Variants in PKP2 observed in about 807,000 individuals in gnomAD.
The protein encoded by PKP2 is plakophilin 2.
In PKP2, 73 loss-of-function variants were observed where a neutral mutation model predicts 83.4. The observed-to-expected ratio is 0.88, with a 90% CI of 0.72 to 1.06. The LOEUF (loss-of-function observed/expected upper bound fraction) is 1.06, where lower values mean the gene tolerates loss of function less well. Among genes scored for constraint, PKP2 ranks in the 50% least tolerant of loss-of-function variants. The probability of loss-of-function intolerance (pLI) is 0.00; values close to 1 mark genes in which losing one functional copy is unlikely to be tolerated. For missense variants in PKP2, 966 were observed against 1,065.4 expected (o/e 0.91, Z 1.30); for synonymous variants, 409 against 430.4 (o/e 0.95, Z 0.62).
At chr12:32,895,304 C>G (rs1957112764) in intron 1 of PKP2, among the ~76,000 whole-genome samples, 1 of 152,150 alleles carries the variant, frequency 6.6e-6, no homozygotes, top group Non-Finnish European at 1.5e-5. Flanking sequence ...CTTTACCTTT[C>G]AAGTATGTTA....
chr12:32,808,521 T>C (rs762967731), intron 9 of PKP2, among the ~76,000 whole-genome samples: 1 of 152,224 alleles, frequency 6.6e-6, no homozygotes, highest in Non-Finnish European at 1.5e-5. Context: ...TGAAGCCTAC[T>C]TCTGTCAACT....
intron 4 of PKP2, among the ~76,000 whole-genome samples, chr12:32,859,749 C>A (rs1352299666): frequency 6.6e-6 from 1 of 152,132 alleles, no homozygotes; most frequent in Non-Finnish European, 1.5e-5. Flanking sequence ...AGCCACTATA[C>A]CTGGCCCTCA....
chr12:32,834,480 A>T (rs1956527760), intron 6 of PKP2, among the ~76,000 whole-genome samples: 1 of 152,114 alleles, frequency 6.6e-6, no homozygotes, highest in Non-Finnish European at 1.5e-5. Context: ...CCACTAACAG[A>T]AGCTCCCTAG....
In PKP2 at chr12:32,868,970, A is replaced by G. The variant is rs56869013; in HGVS notation, c.1127T>C (p.Phe376Ser). The G allele has an allele frequency of 7.4e-6, 12 of 1,613,918 alleles. No individual in the cohort carries two copies. The South Asian group carries it at 7.7e-5, about 10-fold the overall frequency. ...LPSRISAAATFIQHECFQKSE... is the reference protein window; with the variant it reads ...LPSRISAAATSIQHECFQKSE... ...TTTCTGGAAGCACTCGTGCTGTATG[A>G]AAGTAGCTGCAGCAGAAATCCTGGA... The change falls in exon 4 of 13, where the codon TTC becomes TCC. Residue 376 changes from phenylalanine to serine, a missense_variant. Transcript: ENST00000340811.
intron 9 of PKP2, among the ~76,000 whole-genome samples, chr12:32,807,174 ATATTCTGTTG>A (rs1956233308): frequency 6.6e-6 from 1 of 152,148 alleles, no homozygotes; most frequent in South Asian, 2.1e-4. Flanking sequence ...AGAAGAATGA[ATATTCTGTTG>A]TTTTTTGGTG....
intron 6 of PKP2, among the ~76,000 whole-genome samples, chr12:32,833,214 G>C (rs1352896424): frequency 1.3e-5 from 2 of 152,210 alleles, no homozygotes; most frequent in African/African-American, 4.8e-5. Flanking sequence ...CTGCACTCCA[G>C]CCAGGGTGAC....
At chr12:32,890,680 C>A (rs193209483) in intron 1 of PKP2, among the ~76,000 whole-genome samples, 1 of 152,106 alleles carries the variant, frequency 6.6e-6, no homozygotes, top group Admixed American at 6.5e-5. Flanking sequence ...ATACACAGGC[C>A]GGGTGCGGTG....
chr12:32,883,912 G>A (rs1006955716), intron 1 of PKP2, among the ~76,000 whole-genome samples: 22 of 152,160 alleles, frequency 1.4e-4, no homozygotes, highest in African/African-American at 5.1e-4. Context: ...AGCAGCAGGC[G>A]CAGGAAGTGT....
intron 4 of PKP2, among the ~76,000 whole-genome samples, chr12:32,856,767 A>G (rs922061871): frequency 1.3e-5 from 2 of 151,814 alleles, no homozygotes; most frequent in Admixed American, 1.3e-4. Context: ...AAAAAAAAAA[A>G]GAAGATTCAA....
At chr12:32,878,598 C>T in intron 2 of PKP2, 55 bp from the exon 3 acceptor site, 1 of 1,388,976 alleles carries the variant, frequency 7.2e-7, no homozygotes, top group Non-Finnish European at 1.0e-6. Flanking sequence ...TTCAACTTTG[C>T]TGAGGACTAA....
At chr12:32,878,568 A>G (rs1956957539) in intron 2 of PKP2, 25 bp from the exon 3 acceptor site, 1 of 1,576,298 alleles carries the variant, frequency 6.3e-7, no homozygotes, top group Non-Finnish European at 8.7e-7. Context: ...AATAAAGTTT[A>G]AAGGGGGCAT....
At position 32,822,384 on chromosome 12, in the gene PKP2, T is replaced by A. The variant is rs1956388207; in HGVS notation, c.1839+83A>T. Reference sequence around the variant, plus strand: ...TAAAATAGTGCCGATATATACCAAGTACTTAGACATACACATATACACAAA... The same window carrying A: ...TAAAATAGTGCCGATATATACCAAGAACTTAGACATACACATATACACAAA... On this transcript the variant is annotated intron_variant, in intron 8 of 12. Transcript: ENST00000340811. 14 of 1,143,722 alleles carry A rather than the reference T, an allele frequency of 1.2e-5. No homozygotes were observed. In the Middle Eastern group the frequency reaches 7.6e-4, roughly 62 times the overall value. The allele number at this position is 1,143,722 out of a possible 1,614,324, so 70.8% of individuals were successfully genotyped here.
intron 11 of PKP2, among the ~76,000 whole-genome samples, chr12:32,794,243 G>A (rs1319446371): frequency 1.3e-5 from 2 of 152,142 alleles, no homozygotes; most frequent in East Asian, 1.9e-4. Flanking sequence ...TCAAAGTGAT[G>A]GGTCTCTAAT....
intron 10 of PKP2, among the ~76,000 whole-genome samples, chr12:32,798,546 A>T (rs10844358): frequency 0.21 from 31,197 of 151,872 alleles, 3,873 homozygotes; most frequent in East Asian, 0.57. Flanking sequence ...TAGGCTATAG[A>T]AAATAAAAAA....
At chr12:32,837,786 A>G (rs1956556034) in intron 6 of PKP2, among the ~76,000 whole-genome samples, 1 of 152,196 alleles carries the variant, frequency 6.6e-6, no homozygotes, top group South Asian at 2.1e-4. Flanking sequence ...TTTGTAACTA[A>G]CATCGTTGCC....
Position 32,878,066 on chromosome 12 carries a change from T to A in PKP2, c.814A>T (p.Arg272Trp). Residue 272 changes from arginine to tryptophan, a missense_variant, in exon 3 of 13, where the codon AGG becomes TGG. Coordinates refer to ENST00000340811, the MANE Select transcript of PKP2 (RefSeq NM_001005242.3). The stretch of plus-strand genomic sequence containing the variant: ...ACGGGCTGCAGGGGCACCAGCGGCC[T>A]GACCTGCCCGACAGTGAGCCCTGCC... The part of the protein sequence containing the change: ...LTAGLTVGQV[R>W]PLVPLQPVTQ... 1 of 1,614,060 alleles carries A rather than the reference T, an allele frequency of 6.2e-7. No homozygotes were observed. Among genetic ancestry groups the A allele is most frequent in the Non-Finnish European group, 8.5e-7 (1 of 1,180,034 alleles).
intron 3 of PKP2, 90 bp from the exon 4 acceptor site, chr12:32,869,152 T>C (rs1956877103): frequency 2.8e-6 from 4 of 1,430,220 alleles, no homozygotes; most frequent in African/African-American, 2.8e-5. Flanking sequence ...CAGCGAATAC[T>C]GGGAAGCACT....
At position 32,815,755 on chromosome 12, in the gene PKP2, A is replaced by C. The variant is rs190323223; in HGVS notation, c.2013+5601T>G. ...AATGTTTTCATGTTAATTTGTAAGA[A>C]CAATCATTGAAAACATGTGACTCTA... On this transcript the variant is annotated intron_variant, in intron 9 of 12. Coordinates refer to ENST00000340811, the MANE Select transcript of PKP2 (RefSeq NM_001005242.3). Among the ~76,000 whole-genome samples, 804 of 152,348 alleles carry C rather than the reference A, an allele frequency of 5.3e-3. 7 individuals are homozygous for C. Among genetic ancestry groups the C allele is most frequent in the African/African-American group, 0.016 (657 of 41,576 alleles).
intron 1 of PKP2, among the ~76,000 whole-genome samples, chr12:32,896,222 A>G (rs1407230120): frequency 6.6e-6 from 1 of 152,140 alleles, no homozygotes; most frequent in Non-Finnish European, 1.5e-5. Flanking sequence ...AGGGGCGCGG[A>G]CCGGCGGAGT....
Sources: gnomAD v4.1 joint callset for allele counts (sites outside exome capture counted in the v4.1 genomes callset) on GRCh38, gnomAD v4.1.1 for gene constraint, MANE v1.5 for transcripts, NCBI Gene and HGNC (gene_info 2026-07-23, HGNC 2026-07-21) for gene names.